NHS: variants seen among roughly 807,000 people sequenced by gnomAD.
NHS encodes the protein NHS actin remodeling regulator.
A neutral mutation model predicts 72.5 loss-of-function variants in NHS; 5 were observed. That is an observed-to-expected ratio of 0.07 (90% CI 0.04 to 0.14). NHS has a LOEUF of 0.14. Ranked by LOEUF, NHS falls within the 10% of genes least tolerant of loss-of-function variation. The pLI is 1.00. For missense variants in NHS, 1,072 were observed against 1,355.7 expected (o/e 0.79, Z 3.29); for synonymous variants, 464 against 547.7 (o/e 0.85, Z 2.13).
chrX:17,728,855 A>G, intron 8 of NHS, 80 bp downstream of exon 8: 1 of 1,128,590 alleles, frequency 8.9e-7, no homozygotes, highest in East Asian at 3.0e-5. Context: ...CACAAATGCA[A>G]ATACAGGAAA....
chrX:17,610,640 C>G (rs950397140), intron 1 of NHS, among the ~76,000 whole-genome samples: 1 of 112,189 alleles, frequency 8.9e-6, no homozygotes, highest in Admixed American at 9.4e-5. Flanking sequence ...GATCCTGTTT[C>G]AACTACAGAG....
chrX:17,444,301 G>C (rs2064769118), intron 1 of NHS, among the ~76,000 whole-genome samples: 1 of 111,812 alleles, frequency 8.9e-6, no homozygotes, highest in Non-Finnish European at 1.9e-5. Context: ...TACTAGGCCA[G>C]GTTGGGTCAG....
At chrX:17,660,995 A>T (rs183056736) in intron 1 of NHS, among the ~76,000 whole-genome samples, 1 of 111,942 alleles carries the variant, frequency 8.9e-6, no homozygotes. Flanking sequence ...CAAGACTATT[A>T]TATTAATAGA....
chrX:17,462,077 A>G (rs2064850100), intron 1 of NHS, among the ~76,000 whole-genome samples: 5 of 111,455 alleles, frequency 4.5e-5, no homozygotes, highest in African/African-American at 1.6e-4. Flanking sequence ...GGAGATCTGC[A>G]ATGTTATATT....
intron 5 of NHS, among the ~76,000 whole-genome samples, chrX:17,723,758 T>TGTGTGTGTGTGTGTGTGC (rs2066421086): frequency 8.2e-5 from 8 of 97,671 alleles, no homozygotes; most frequent in African/African-American, 3.5e-4. Flanking sequence ...TGTGTGTGTG[T>TGTGTGTGTGTGTGTGTGC]GTGTGTGTGT....
intron 1 of NHS, among the ~76,000 whole-genome samples, chrX:17,479,805 T>G (rs753504508): frequency 8.9e-6 from 1 of 112,194 alleles, no homozygotes; most frequent in East Asian, 2.8e-4. Context: ...CTTTGTCAGA[T>G]AGATAGATTG....
At chrX:17,513,899 G>A (rs143042513) in intron 1 of NHS, among the ~76,000 whole-genome samples, 244 of 111,842 alleles carry the variant, frequency 2.2e-3, no homozygotes, top group African/African-American at 7.7e-3. Context: ...TATACCCAAG[G>A]CCGGGCAATT....
chrX:17,432,056 C>T (rs372578385), intron 1 of NHS, among the ~76,000 whole-genome samples: 2 of 112,237 alleles, frequency 1.8e-5, no homozygotes, highest in East Asian at 2.8e-4. Context: ...CAAGACCATC[C>T]GTGATTTAGA....
chrX:17,481,264 G>C (rs1353336833), intron 1 of NHS, among the ~76,000 whole-genome samples: 1 of 111,742 alleles, frequency 8.9e-6, no homozygotes, highest in Non-Finnish European at 1.9e-5. Context: ...AATAAGCCAT[G>C]GGAGTGATTT....
At chrX:17,491,693 T>A in intron 1 of NHS, among the ~76,000 whole-genome samples, 1 of 109,876 alleles carries the variant, frequency 9.1e-6, no homozygotes, top group Non-Finnish European at 1.9e-5. Flanking sequence ...TCAGAAGGAA[T>A]GGTACCAGCT....
intron 3 of NHS, among the ~76,000 whole-genome samples, chrX:17,715,627 C>T (rs1410063408): frequency 8.9e-6 from 1 of 111,753 alleles, no homozygotes; most frequent in Non-Finnish European, 1.9e-5. Flanking sequence ...TTCAGGGTTA[C>T]ATGTGCAGGT....
chrX:17,668,789 G>T (rs1209730790), intron 1 of NHS, among the ~76,000 whole-genome samples: 1 of 111,154 alleles, frequency 9.0e-6, no homozygotes, highest in African/African-American at 3.3e-5. Flanking sequence ...TCTAAGAAAG[G>T]TATGCTATCA....
At chrX:17,586,969 G>A (rs917203401) in intron 1 of NHS, 1 of 112,153 alleles carries the variant, frequency 8.9e-6, no homozygotes, top group Non-Finnish European at 1.9e-5. Flanking sequence ...ATGAATTATA[G>A]AAGAGAAGAG....
At chrX:17,392,871 C>T (rs1449610724) in intron 1 of NHS, among the ~76,000 whole-genome samples, 1 of 112,250 alleles carries the variant, frequency 8.9e-6, no homozygotes, top group Non-Finnish European at 1.9e-5. Context: ...TCTTCTGATC[C>T]TGCCTTCCCA....
rs1302219782 is a variant in NHS at position 17,516,569 on chromosome X, GCGCACA to G, written c.565+140249_565+140254del. Among the ~76,000 whole-genome samples, 28 of 84,491 alleles carry G rather than the reference GCGCACA, an allele frequency of 3.3e-4. No homozygotes were observed. The East Asian group carries it at 5.9e-3, about 18-fold the overall frequency. The allele number at this position is 84,491 out of a possible 115,157, so 73.4% of individuals were successfully genotyped here. A position where few individuals can be genotyped will look rare whatever the true frequency, so the allele number is the denominator to read the frequency against. On this transcript the variant is annotated intron_variant, in intron 1 of 8. Coordinates refer to ENST00000676302, the MANE Select transcript of NHS (RefSeq NM_001291867.2). ...GATTTAACTTACAACACACACACAC[GCGCACA>G]CACACACACACACACACACACACAC...
chrX:17,386,663 CAAA>C (rs1184465152), intron 1 of NHS, among the ~76,000 whole-genome samples: 3 of 38,436 alleles, frequency 7.8e-5, no homozygotes, highest in Admixed American at 6.9e-4. Flanking sequence ...AACTCTGTCT[CAAA>C]AAAAAAAAAA....
At chrX:17,725,015 G>C (rs1262779724) in intron 6 of NHS, among the ~76,000 whole-genome samples, 2 of 111,300 alleles carry the variant, frequency 1.8e-5, no homozygotes, top group East Asian at 5.6e-4. Context: ...TAAAAATGAA[G>C]AGTAGTGGCC....
chrX:17,564,649 A>G (rs1469052307), intron 1 of NHS, among the ~76,000 whole-genome samples: 4 of 112,524 alleles, frequency 3.6e-5, no homozygotes, highest in Non-Finnish European at 7.5e-5. Flanking sequence ...GCTCTAAATG[A>G]GGTGTTTCTT....
chrX:17,694,914 C>A (rs1265714375), intron 3 of NHS, among the ~76,000 whole-genome samples: 1 of 111,667 alleles, frequency 9.0e-6, no homozygotes, highest in East Asian at 2.8e-4. Flanking sequence ...CTTTCTGACT[C>A]CCAGTCTCTT....
Sources: gnomAD v4.1 joint callset for allele counts (sites outside exome capture counted in the v4.1 genomes callset) on GRCh38, gnomAD v4.1.1 for gene constraint, MANE v1.5 for transcripts, NCBI Gene and HGNC (gene_info 2026-07-23, HGNC 2026-07-21) for gene names.